The following PDE4B variants were observed in gnomAD, a reference collection of about 807,000 sequenced individuals.
PDE4B encodes phosphodiesterase 4B.
PDE4B carries 20 observed loss-of-function variants against 82.2 expected under a neutral mutation model. That is an observed-to-expected ratio of 0.24 (90% CI 0.17 to 0.35). The LOEUF is 0.35. Ranked by LOEUF, PDE4B falls within the 10% of genes least tolerant of loss-of-function variation. PDE4B has a pLI of 1.00. For synonymous variants in PDE4B, 320 were observed against 318.9 expected (o/e 1.00, Z -0.04); for missense variants, 655 against 907.2 (o/e 0.72, Z 3.57).
At chr1:65,878,131 A>G (rs1646668150) in intron 1 of PDE4B, among the ~76,000 whole-genome samples, 1 of 152,148 alleles carries the variant, frequency 6.6e-6, no homozygotes, top group Admixed American at 6.6e-5. Flanking sequence ...ACATGAAAAA[A>G]GCTCATTATC....
intron 3 of PDE4B, among the ~76,000 whole-genome samples, chr1:66,125,202 C>T (rs1645798552): frequency 6.8e-6 from 1 of 146,642 alleles, no homozygotes; most frequent in Non-Finnish European, 1.5e-5. Context: ...CTCACTCTGT[C>T]GCCAAGGCTG....
intron 1 of PDE4B, among the ~76,000 whole-genome samples, chr1:65,910,814 G>T (rs1251410866): frequency 6.6e-6 from 1 of 152,144 alleles, no homozygotes; most frequent in African/African-American, 2.4e-5. Flanking sequence ...AGGAGCCAGA[G>T]GGCTAGACAG....
At chr1:65,999,498 A>T (rs2100703593) in intron 3 of PDE4B, among the ~76,000 whole-genome samples, 1 of 152,234 alleles carries the variant, frequency 6.6e-6, no homozygotes, top group Non-Finnish European at 1.5e-5. Context: ...AAGTACCTGG[A>T]TGTTAACACG....
At chr1:65,942,258 A>G (rs979520972) in intron 3 of PDE4B, among the ~76,000 whole-genome samples, 1 of 151,934 alleles carries the variant, frequency 6.6e-6, no homozygotes, top group Non-Finnish European at 1.5e-5. Context: ...CACTCCATAT[A>G]TAAGTGAGAT....
At chr1:66,056,000 C>G (rs1655273060) in intron 3 of PDE4B, among the ~76,000 whole-genome samples, 1 of 152,132 alleles carries the variant, frequency 6.6e-6, no homozygotes. Flanking sequence ...CTACACTTCC[C>G]TAGAACAAAA....
chr1:66,092,499 C>A (rs568836302), intron 3 of PDE4B, among the ~76,000 whole-genome samples: 1 of 151,866 alleles, frequency 6.6e-6, no homozygotes, highest in East Asian at 1.9e-4. Context: ...GCTCAGAGTA[C>A]AACTGAGAAC....
At chr1:65,933,460 C>T (rs1647949961) in intron 3 of PDE4B, among the ~76,000 whole-genome samples, 2 of 151,992 alleles carry the variant, frequency 1.3e-5, no homozygotes, top group Admixed American at 6.6e-5. Flanking sequence ...TGGGAGGCCA[C>T]GGCGGGCGGA....
chr1:66,188,319 G>T (rs938766701), intron 3 of PDE4B, among the ~76,000 whole-genome samples: 11 of 150,846 alleles, frequency 7.3e-5, no homozygotes, highest in Non-Finnish European at 1.6e-4. Context: ...CTGTTGATTT[G>T]GGGTGGAGAG....
At chr1:65,914,926 T>C (rs1647142517) in intron 2 of PDE4B, among the ~76,000 whole-genome samples, 1 of 152,218 alleles carries the variant, frequency 6.6e-6, no homozygotes, top group Admixed American at 6.5e-5. Flanking sequence ...AGTATTAGTC[T>C]AAATGGAAAT....
intron 1 of PDE4B, among the ~76,000 whole-genome samples, chr1:65,806,340 A>T (rs916885509): frequency 6.6e-6 from 1 of 152,234 alleles, no homozygotes; most frequent in African/African-American, 2.4e-5. Flanking sequence ...TATGACTAAG[A>T]AAAAATACTA....
chr1:66,171,955 A>T (rs919473630), intron 3 of PDE4B, among the ~76,000 whole-genome samples: 2 of 152,204 alleles, frequency 1.3e-5, no homozygotes, highest in Non-Finnish European at 2.9e-5. Context: ...CTTTTTAAAA[A>T]ATTTCAACTT....
intron 3 of PDE4B, among the ~76,000 whole-genome samples, chr1:66,114,743 C>A (rs1052363435): frequency 6.7e-6 from 1 of 149,346 alleles, no homozygotes; most frequent in Non-Finnish European, 1.5e-5. Flanking sequence ...TCAAGCGATT[C>A]TCCTGCCTCA....
At chr1:66,035,407 A>G (rs1209046259) in intron 3 of PDE4B, among the ~76,000 whole-genome samples, 1 of 152,136 alleles carries the variant, frequency 6.6e-6, no homozygotes, top group Non-Finnish European at 1.5e-5. Flanking sequence ...TTCCTGTGCA[A>G]TGGAACACCA....
At chr1:66,199,913 C>A (rs1415242089) in intron 3 of PDE4B, among the ~76,000 whole-genome samples, 1 of 152,170 alleles carries the variant, frequency 6.6e-6, no homozygotes, top group African/African-American at 2.4e-5. Flanking sequence ...GACATGAAGT[C>A]CTTGCCCAGG....
At chr1:66,317,510 C>T (rs907687634) in intron 7 of PDE4B, among the ~76,000 whole-genome samples, 4 of 151,964 alleles carry the variant, frequency 2.6e-5, no homozygotes, top group African/African-American at 9.7e-5. Flanking sequence ...TTGAGAGAAG[C>T]AGGGATCTTG....
chr1:66,242,485 C>T (rs1314919212), intron 3 of PDE4B, among the ~76,000 whole-genome samples: 3 of 152,136 alleles, frequency 2.0e-5, no homozygotes, highest in Non-Finnish European at 4.4e-5. Context: ...AAGAGGTTCA[C>T]CTAGAGAATG....
chr1:66,118,546 G>A (rs1366989228), intron 3 of PDE4B, among the ~76,000 whole-genome samples: 1 of 151,006 alleles, frequency 6.6e-6, no homozygotes, highest in African/African-American at 2.4e-5. Context: ...ACAGGAAGGG[G>A]AACATCACAC....
At chr1:66,227,212 G>C (rs1432246791) in intron 3 of PDE4B, among the ~76,000 whole-genome samples, 1 of 152,204 alleles carries the variant, frequency 6.6e-6, no homozygotes, top group Admixed American at 6.5e-5. Context: ...CTGGATATAT[G>C]AGTCACTGCA....
At chr1:65,856,108 A>G (rs1303834517) in intron 1 of PDE4B, among the ~76,000 whole-genome samples, 1 of 152,170 alleles carries the variant, frequency 6.6e-6, no homozygotes, top group Non-Finnish European at 1.5e-5. Flanking sequence ...TTTAGGCACT[A>G]TCTCCCTAAT....
Sources: allele counts gnomAD v4.1 joint callset (sites outside exome capture counted in the v4.1 genomes callset), GRCh38; gene constraint gnomAD v4.1.1; transcripts MANE v1.5; gene names NCBI Gene and HGNC (gene_info 2026-07-23, HGNC 2026-07-21).